DOCK1: variants seen among roughly 807,000 people sequenced by gnomAD.
The protein encoded by DOCK1 is dedicator of cytokinesis 1, also known as dedicator of cytokinesis protein 1.
Under a neutral mutation model 262.7 loss-of-function variants are expected in DOCK1, and 138 were observed. That is an observed-to-expected ratio of 0.53 (90% CI 0.46 to 0.61). DOCK1 has a LOEUF of 0.61. Ranked by LOEUF, DOCK1 falls within the 20% of genes least tolerant of loss-of-function variation. DOCK1 has a pLI of 0.00. For missense variants in DOCK1, 1,908 were observed against 2,370.7 expected, an observed-to-expected ratio of 0.80 and a Z score of 4.05; for synonymous variants, 866 against 867.4, an observed-to-expected ratio of 1.00 and a Z score of 0.03.
At chr10:126,959,227 T>A (rs1011159564) in intron 1 of DOCK1, among the ~76,000 whole-genome samples, 2 of 152,176 alleles carry the variant, frequency 1.3e-5, no homozygotes, top group Non-Finnish European at 2.9e-5. Flanking sequence ...CCTATTCAGA[T>A]CTTAATCTTT....
chr10:127,391,365 G>C (rs918056073), intron 38 of DOCK1, among the ~76,000 whole-genome samples: 1 of 152,164 alleles, frequency 6.6e-6, no homozygotes, highest in African/African-American at 2.4e-5. Flanking sequence ...AAATAGGAGA[G>C]AGGTAGAAAC....
At chr10:127,413,167 A>G (rs1457350563) in intron 43 of DOCK1, among the ~76,000 whole-genome samples, 2 of 152,200 alleles carry the variant, frequency 1.3e-5, no homozygotes, top group Non-Finnish European at 2.9e-5. Context: ...GCAAGTAGAT[A>G]TATTCTTAGA....
intron 32 of DOCK1, among the ~76,000 whole-genome samples, chr10:127,358,545 C>T (rs922366724): frequency 2.6e-5 from 4 of 152,354 alleles, no homozygotes; most frequent in Middle Eastern, 3.4e-3. Context: ...ATCCAGCACA[C>T]TGGAGCGAGC....
At chr10:127,373,093 C>T (rs1007522263) in intron 33 of DOCK1, among the ~76,000 whole-genome samples, 4 of 152,082 alleles carry the variant, frequency 2.6e-5, no homozygotes, top group Admixed American at 6.5e-5. Flanking sequence ...TTCCACCCCC[C>T]AGAATTTAGA....
chr10:127,171,712 T>C (rs1435001693), intron 27 of DOCK1, among the ~76,000 whole-genome samples: 2 of 152,164 alleles, frequency 1.3e-5, no homozygotes, highest in Non-Finnish European at 2.9e-5. Context: ...GATTTTATTT[T>C]TATTTTTTTG....
chr10:127,201,465 A>G (rs1266382956), intron 27 of DOCK1, among the ~76,000 whole-genome samples: 2 of 152,284 alleles, frequency 1.3e-5, no homozygotes, highest in African/African-American at 4.8e-5. Flanking sequence ...CCTGAAATAC[A>G]AATTTGTTTT....
chr10:127,191,292 T>C (rs1276766128), intron 27 of DOCK1, among the ~76,000 whole-genome samples: 1 of 152,122 alleles, frequency 6.6e-6, no homozygotes, highest in Non-Finnish European at 1.5e-5. Context: ...GACTTGAGCT[T>C]CTTGGAGTCC....
chr10:127,412,595 AG>A (rs2134408382), intron 43 of DOCK1, among the ~76,000 whole-genome samples: 1 of 152,298 alleles, frequency 6.6e-6, no homozygotes, highest in African/African-American at 2.4e-5. Context: ...TAGGCTGCAA[AG>A]GTCAAAGGTG....
intron 43 of DOCK1, 26 bp from the exon 44 acceptor site, chr10:127,415,126 G>T: frequency 6.2e-7 from 1 of 1,601,938 alleles, no homozygotes. Context: ...TCTAACCCGT[G>T]TTGTGTGTGT....
chr10:127,286,646 A>G (rs1324038422), intron 29 of DOCK1, among the ~76,000 whole-genome samples: 1 of 152,164 alleles, frequency 6.6e-6, no homozygotes, highest in Non-Finnish European at 1.5e-5. Context: ...TAGGCATTAT[A>G]TCATGTCGTT....
intron 29 of DOCK1, among the ~76,000 whole-genome samples, chr10:127,300,476 C>T (rs981144724): frequency 5.9e-5 from 9 of 152,100 alleles, no homozygotes; most frequent in Non-Finnish European, 1.3e-4. Flanking sequence ...CAGGACCTGT[C>T]GAAGGACAAA....
intron 27 of DOCK1, among the ~76,000 whole-genome samples, chr10:127,224,300 C>T (rs1263074718): frequency 6.6e-6 from 1 of 152,090 alleles, no homozygotes; most frequent in Non-Finnish European, 1.5e-5. Context: ...GTGGCACACA[C>T]CTGTAATCCT....
intron 1 of DOCK1, among the ~76,000 whole-genome samples, chr10:126,945,663 A>G (rs2134290195): frequency 6.6e-6 from 1 of 152,224 alleles, no homozygotes; most frequent in Non-Finnish European, 1.5e-5. Context: ...AATACTCTTT[A>G]CCTGTGGACA....
intron 27 of DOCK1, among the ~76,000 whole-genome samples, chr10:127,141,148 A>T (rs1289736807): frequency 6.6e-6 from 1 of 151,626 alleles, no homozygotes; most frequent in Non-Finnish European, 1.5e-5. Context: ...GGTCCACATA[A>T]CCTCCTTGTT....
intron 29 of DOCK1, among the ~76,000 whole-genome samples, chr10:127,315,341 AG>A (rs1430576197): frequency 6.6e-6 from 1 of 152,308 alleles, no homozygotes; most frequent in African/African-American, 2.4e-5. Context: ...ACCCTTAAAA[AG>A]GTAATTAAGG....
chr10:127,030,574 A>G (rs1456488062), intron 16 of DOCK1, among the ~76,000 whole-genome samples: 5 of 152,196 alleles, frequency 3.3e-5, no homozygotes, highest in Non-Finnish European at 5.9e-5. Flanking sequence ...TTAAGAAACC[A>G]CAATGTTTTG....
intron 27 of DOCK1, among the ~76,000 whole-genome samples, chr10:127,196,795 A>T (rs1010043685): frequency 1.3e-5 from 2 of 151,686 alleles, no homozygotes; most frequent in Admixed American, 6.6e-5. Flanking sequence ...GGGCTCCGCC[A>T]CAGCGCGTCC....
intron 23 of DOCK1, among the ~76,000 whole-genome samples, chr10:127,084,039 T>C (rs1564790904): frequency 6.6e-6 from 1 of 152,248 alleles, no homozygotes; most frequent in Non-Finnish European, 1.5e-5. Flanking sequence ...AATCCCATTA[T>C]TTAATATTGT....
chr10:126,966,274 G>A (rs1249944678), intron 1 of DOCK1, among the ~76,000 whole-genome samples: 1 of 152,000 alleles, frequency 6.6e-6, no homozygotes, highest in African/African-American at 2.4e-5. Flanking sequence ...GTTGTTGGAC[G>A]CCTATGTTGA....
Sources: allele counts gnomAD v4.1 joint callset (sites outside exome capture counted in the v4.1 genomes callset), GRCh38; gene constraint gnomAD v4.1.1; transcripts MANE v1.5; gene names NCBI Gene and HGNC (gene_info 2026-07-23, HGNC 2026-07-21).